The following COMMD6 variants were observed in gnomAD, a reference collection of about 807,000 sequenced individuals.
COMMD6 encodes COMM domain containing 6, also known as COMM domain-containing protein 6.
In COMMD6, 11 loss-of-function variants were observed where a neutral mutation model predicts 13.4. The observed-to-expected ratio is 0.82, with a 90% confidence interval of 0.52 to 1.36. The LOEUF is 1.36. Among genes scored for constraint, COMMD6 ranks in the 40% most tolerant of loss-of-function variants. The pLI is 0.00. For synonymous variants in COMMD6, 43 were observed against 36.5 expected, an observed-to-expected ratio of 1.18 and a Z score of -0.64; for missense variants, 124 against 102.4, an observed-to-expected ratio of 1.21 and a Z score of -0.91.
At chr13:75,530,744 C>T (rs925134013) in intron 2 of COMMD6, among the ~76,000 whole-genome samples, 2 of 152,202 alleles carry the variant, frequency 1.3e-5, no homozygotes. Context: ...ACTGAATCAA[C>T]ATAACACTAT....
In COMMD6 at chr13:75,537,671, G is replaced by A. The variant is rs1486530571; in HGVS notation, c.47C>T (p.Thr16Ile). 1.2e-6 allele frequency: 2 copies of A among 1,613,950 alleles called. No homozygotes were observed. Among genetic ancestry groups the A allele is most frequent in the Admixed American group, 3.3e-5 (2 of 60,030 alleles). Residue 16 changes from threonine (T) to isoleucine (I), a missense_variant, in exon 2 of 4, where the codon ACC becomes ATC. Coordinates refer to ENST00000682242, the MANE Select transcript of COMMD6 (RefSeq NM_203495.4). ...GGGCGGCCGCTCACCCACCTGGTTG[G>A]TGACCTGAAACGGAAGCAGAAACAC... The part of the protein sequence containing the change: ...EPPLDAKSDV[T>I]NQLVDFQWKL...
At chr13:75,544,713 A>G (rs560367398) in intron 1 of COMMD6, among the ~76,000 whole-genome samples, 1 of 152,272 alleles carries the variant, frequency 6.6e-6, no homozygotes, top group Non-Finnish European at 1.5e-5. Flanking sequence ...CAGTGAGCAG[A>G]GATCGCGCTA....
At chr13:75,532,225 C>T (rs571453229) in intron 2 of COMMD6, among the ~76,000 whole-genome samples, 20 of 152,166 alleles carry the variant, frequency 1.3e-4, no homozygotes, top group South Asian at 6.2e-4. Flanking sequence ...CACGAGTGTT[C>T]GCTTTTAGAT....
chr13:75,538,060 A>G, upstream of COMMD6: 1 of 417,630 alleles, frequency 2.4e-6, no homozygotes, highest in Non-Finnish European at 4.2e-6. Context: ...GCGCTAATTA[A>G]ATTTAGGATG....
intron 2 of COMMD6, among the ~76,000 whole-genome samples, chr13:75,532,154 G>A (rs1162050966): frequency 6.6e-6 from 1 of 152,218 alleles, no homozygotes; most frequent in Admixed American, 6.5e-5. Flanking sequence ...TTGAAGAGGA[G>A]CATCTGGTGG....
chr13:75,537,610 G>C, intron 2 of COMMD6, 54 bp downstream of exon 2: 1 of 1,612,832 alleles, frequency 6.2e-7, no homozygotes, highest in African/African-American at 1.3e-5. Flanking sequence ...GCACGGCCTC[G>C]CGGCCGTGGG....
chr13:75,546,286 A>G (rs1430409696), intron 1 of COMMD6, among the ~76,000 whole-genome samples: 1 of 152,274 alleles, frequency 6.6e-6, no homozygotes, highest in Non-Finnish European at 1.5e-5. Flanking sequence ...AATATGGACT[A>G]TTGGAGGAAT....
At chr13:75,542,105 C>T (rs577268615), upstream of COMMD6, among the ~76,000 whole-genome samples, 3 of 152,290 alleles carry the variant, frequency 2.0e-5, no homozygotes, top group Admixed American at 6.5e-5. Context: ...ATTAGCTGGA[C>T]AGGCAGTTGC....
At chr13:75,537,135 G>A (rs1352078360) in intron 2 of COMMD6, among the ~76,000 whole-genome samples, 1 of 152,170 alleles carries the variant, frequency 6.6e-6, no homozygotes, top group African/African-American at 2.4e-5. Context: ...CCTATTCTGG[G>A]AAGTGTGTTA....
At chr13:75,526,995 G>C (rs938881568) in intron 3 of COMMD6, among the ~76,000 whole-genome samples, 1 of 152,084 alleles carries the variant, frequency 6.6e-6, no homozygotes, top group Admixed American at 6.6e-5. Context: ...ATCTAGTAAA[G>C]GACCGCATTT....
chr13:75,540,404 T>A, upstream of COMMD6, among the ~76,000 whole-genome samples: 1 of 151,236 alleles, frequency 6.6e-6, no homozygotes, highest in Non-Finnish European at 1.5e-5. Context: ...TAAAAATGCT[T>A]CAAAAAGGTG....
intron 2 of COMMD6, among the ~76,000 whole-genome samples, chr13:75,536,315 T>C (rs1229502949): frequency 6.6e-6 from 1 of 152,242 alleles, no homozygotes; most frequent in Non-Finnish European, 1.5e-5. Flanking sequence ...GATCTTGGCT[T>C]TTCCTATGCA....
intron 1 of COMMD6, among the ~76,000 whole-genome samples, chr13:75,547,325 T>C (rs2030919562): frequency 6.6e-6 from 1 of 152,214 alleles, no homozygotes; most frequent in Admixed American, 6.5e-5. Context: ...CAATTTTTTG[T>C]CATCCTGTGA....
chr13:75,536,303 A>C (rs1014256583), intron 2 of COMMD6, among the ~76,000 whole-genome samples: 1 of 152,224 alleles, frequency 6.6e-6, no homozygotes, highest in Non-Finnish European at 1.5e-5. Context: ...ATGTTTGTAA[A>C]TGATCTTGGC....
intron 1 of COMMD6, among the ~76,000 whole-genome samples, chr13:75,547,304 G>A (rs2030919147): frequency 6.6e-6 from 1 of 152,184 alleles, no homozygotes; most frequent in South Asian, 2.1e-4. Flanking sequence ...CTCAACCTTG[G>A]CTGGGAACTA....
At chr13:75,546,734 A>G (rs564042044) in intron 1 of COMMD6, among the ~76,000 whole-genome samples, 5 of 152,354 alleles carry the variant, frequency 3.3e-5, no homozygotes, top group African/African-American at 9.6e-5. Flanking sequence ...GACACTGTGC[A>G]TAGGCATGCC....
At chr13:75,536,106 C>T (rs1455435277) in intron 2 of COMMD6, among the ~76,000 whole-genome samples, 3 of 152,130 alleles carry the variant, frequency 2.0e-5, no homozygotes, top group Admixed American at 6.5e-5. Flanking sequence ...ATGCTGGTCT[C>T]AAACTGCTGG....
At chr13:75,537,123 C>T (rs1234822551) in intron 2 of COMMD6, among the ~76,000 whole-genome samples, 1 of 152,206 alleles carries the variant, frequency 6.6e-6, no homozygotes, top group Non-Finnish European at 1.5e-5. Flanking sequence ...AGTTTTAGTA[C>T]TCCTATTCTG....
At chr13:75,537,500 G>A (rs2030713052) in intron 2 of COMMD6, 164 bp downstream of exon 2, 1 of 1,557,858 alleles carries the variant, frequency 6.4e-7, no homozygotes, top group Non-Finnish European at 8.7e-7. Flanking sequence ...AACGGCTACC[G>A]GCTCAGGTGC....
Sources: allele counts gnomAD v4.1 joint callset (sites outside exome capture counted in the v4.1 genomes callset), GRCh38; gene constraint gnomAD v4.1.1; transcripts MANE v1.5; gene names NCBI Gene and HGNC (gene_info 2026-07-23, HGNC 2026-07-21).